SLC9C1: variants seen among roughly 807,000 people sequenced by gnomAD.
SLC9C1 encodes solute carrier family 9 member C1, also known as sodium/hydrogen exchanger 10.
In SLC9C1, 97 loss-of-function variants were observed where a neutral mutation model predicts 140.9. That is an observed-to-expected ratio of 0.69 (90% confidence interval 0.58 to 0.82). SLC9C1 has a LOEUF of 0.82. SLC9C1 is among the 40% of genes least tolerant of loss of function. The pLI, the probability that SLC9C1 is intolerant of heterozygous loss-of-function variation, is 0.00. For synonymous variants in SLC9C1, 440 were observed against 442.6 expected (o/e 0.99, Z 0.07); for missense variants, 1,340 against 1,389.3 (o/e 0.96, Z 0.56).
chr3:112,172,962 A>AT (rs1196423150), intron 23 of SLC9C1, among the ~76,000 whole-genome samples: 1 of 151,964 alleles, frequency 6.6e-6, no homozygotes, highest in Admixed American at 6.5e-5. Flanking sequence ...CTTATTAATG[A>AT]TTTTTTTGTG....
At chr3:112,254,522 T>TA (rs59205099) in intron 10 of SLC9C1, among the ~76,000 whole-genome samples, 89,956 of 151,824 alleles carry the variant, frequency 0.59, 27,163 homozygotes, top group East Asian at 0.79. Context: ...AAATTTTTTT[T>TA]ATTTCAGATA....
chr3:112,160,539 G>A (rs1056962351), intron 26 of SLC9C1, among the ~76,000 whole-genome samples: 8 of 150,922 alleles, frequency 5.3e-5, no homozygotes, highest in African/African-American at 1.7e-4. Flanking sequence ...TTGTTCTTGC[G>A]ATAGTTTACT....
intron 10 of SLC9C1, among the ~76,000 whole-genome samples, chr3:112,259,301 G>A (rs1297789251): frequency 6.6e-6 from 1 of 151,830 alleles, no homozygotes; most frequent in Non-Finnish European, 1.5e-5. Context: ...ACTTGAAGGT[G>A]GAGGATAGGA....
chr3:112,287,030 T>G (rs185382705), intron 1 of SLC9C1, among the ~76,000 whole-genome samples, 152 bp from the exon 2 acceptor site: 1 of 152,334 alleles, frequency 6.6e-6, no homozygotes, highest in East Asian at 1.9e-4. Flanking sequence ...TTCAAGTTAA[T>G]GTAATAAAAA....
At chr3:112,171,199 G>A (rs1214507900) in intron 23 of SLC9C1, among the ~76,000 whole-genome samples, 1 of 151,922 alleles carries the variant, frequency 6.6e-6, no homozygotes, top group African/African-American at 2.4e-5. Context: ...CTGGGCAACA[G>A]AGTGAGACTC....
intron 10 of SLC9C1, among the ~76,000 whole-genome samples, chr3:112,247,872 AGTGTGTGT>A (rs56782439): frequency 2.9e-4 from 43 of 149,838 alleles, no homozygotes; most frequent in African/African-American, 7.6e-4. Flanking sequence ...TTTACTCTTG[AGTGTGTGT>A]GTGTGTGTGT....
intron 14 of SLC9C1, among the ~76,000 whole-genome samples, chr3:112,218,712 G>T (rs2078457068): frequency 6.6e-6 from 1 of 152,088 alleles, no homozygotes; most frequent in Non-Finnish European, 1.5e-5. Flanking sequence ...AGTAAAACGT[G>T]GTAAGTGTTG....
chr3:112,222,592 C>A (rs1345847735), intron 13 of SLC9C1, among the ~76,000 whole-genome samples: 1 of 152,104 alleles, frequency 6.6e-6, no homozygotes, highest in East Asian at 1.9e-4. Flanking sequence ...TAAGTTTCCT[C>A]TTTTATAGAT....
chr3:112,217,531 A>G lies in SLC9C1; in HGVS notation c.1701T>C (p.Tyr567=), dbSNP rs73853363. ...KCMSLDTIKN[Y]SESQKTVTFA... is the part of the protein sequence containing the mutation. ...AGGTAACTGTTTTTTGGCTTTCAGA[A>G]TAATTCTTTATTGTATCAAGACTCA... The change falls in exon 15 of 29, where the codon TAT becomes TAC. Residue 567 remains tyrosine, a synonymous_variant. Transcript: ENST00000305815. 999 of 1,607,756 alleles carry G rather than the reference A, an allele frequency of 6.2e-4. 2 individuals carry two copies. The African/African-American group carries it at 8.3e-3, about 13-fold the overall frequency.
chr3:112,280,930 C>A (rs1246344216), intron 2 of SLC9C1, 147 bp from the exon 3 acceptor site: 4 of 701,282 alleles, frequency 5.7e-6, no homozygotes, highest in Non-Finnish European at 9.8e-6. Flanking sequence ...CTTATCAGCA[C>A]ACAGAATCAG....
rs781628284 is a variant in SLC9C1 at position 112,141,149 on chromosome 3, C to T, written c.*123G>A. The T allele has an allele frequency of 1.4e-5, 15 of 1,055,998 alleles. No individual in the cohort carries two copies. The highest frequency in any genetic ancestry group is 3.2e-5 in the Admixed American group (1 of 31,386). The allele number at this position is 1,055,998 out of a possible 1,614,324, so 65.4% of individuals were successfully genotyped here. ...TCCAAATTTCTTTTCTGCTTAGCAC[C>T]AAGATCATCCACACAGGATCCAACC... On this transcript the variant is annotated 3_prime_UTR_variant, in exon 29 of 29. Coordinates refer to ENST00000305815, the MANE Select transcript of SLC9C1 (RefSeq NM_183061.3).
At chr3:112,224,906 CAAAT>C (rs1490911672) in intron 13 of SLC9C1, among the ~76,000 whole-genome samples, 1 of 151,926 alleles carries the variant, frequency 6.6e-6, no homozygotes, top group African/African-American at 2.4e-5. Context: ...ATTACACAAA[CAAAT>C]GTTATCATTA....
intron 10 of SLC9C1, among the ~76,000 whole-genome samples, chr3:112,251,387 C>T (rs759556904): frequency 6.6e-6 from 1 of 152,090 alleles, no homozygotes; most frequent in Admixed American, 6.6e-5. Flanking sequence ...CCCTCATGAA[C>T]CGACTCCATC....
intron 1 of SLC9C1, among the ~76,000 whole-genome samples, chr3:112,288,415 C>T (rs1341651818): frequency 1.3e-5 from 2 of 152,106 alleles, no homozygotes; most frequent in Non-Finnish European, 2.9e-5. Context: ...CATCAAAAGC[C>T]TTATAGATAA....
At chr3:112,286,922 T>G in intron 1 of SLC9C1, 44 bp from the exon 2 acceptor site, 1 of 547,502 alleles carries the variant, frequency 1.8e-6, no homozygotes. Context: ...TTCTAATAAT[T>G]TTCTAAAAAA....
At chr3:112,280,922 TATC>T in intron 2 of SLC9C1, 139 bp from the exon 3 acceptor site, 2 of 715,216 alleles carry the variant, frequency 2.8e-6, no homozygotes, top group Non-Finnish European at 2.4e-6. Flanking sequence ...CCCTCACACT[TATC>T]AGCACACAGA....
intron 2 of SLC9C1, among the ~76,000 whole-genome samples, chr3:112,286,104 C>G (rs2080499888): frequency 2.0e-5 from 3 of 151,894 alleles, no homozygotes; most frequent in Admixed American, 2.0e-4. Context: ...GTTGCTATAT[C>G]AAAAGCTTTG....
At chr3:112,152,047 C>A in intron 27 of SLC9C1, 84 bp from the exon 28 acceptor site, 2 of 1,034,162 alleles carry the variant, frequency 1.9e-6, no homozygotes, top group South Asian at 1.7e-5. Flanking sequence ...GGGTATTTCT[C>A]GCAAGGTGGA....
chr3:112,181,751 G>A (rs1432531739), intron 21 of SLC9C1, among the ~76,000 whole-genome samples: 1 of 151,946 alleles, frequency 6.6e-6, no homozygotes, highest in Admixed American at 6.6e-5. Flanking sequence ...CTCTGGTGGG[G>A]ATGTTTCCAG....
Sources: allele counts gnomAD v4.1 joint callset (sites outside exome capture counted in the v4.1 genomes callset), GRCh38; gene constraint gnomAD v4.1.1; transcripts MANE v1.5; gene names NCBI Gene and HGNC (gene_info 2026-07-23, HGNC 2026-07-21).